Variants in HSF1 observed in about 807,000 individuals in gnomAD.
HSF1 encodes heat shock factor protein 1.
HSF1 carries 32 observed loss-of-function variants against 51.7 expected under a neutral mutation model. That is an observed-to-expected ratio of 0.62 (90% CI 0.47 to 0.83). The LOEUF is 0.83. Among genes scored for constraint, HSF1 ranks in the 40% least tolerant of loss-of-function variants. HSF1 has a pLI of 0.00. For synonymous variants in HSF1, 396 were observed against 309.7 expected (o/e 1.28, Z -2.92); for missense variants, 727 against 717.0 (o/e 1.01, Z -0.16).
chr8:144,303,251 G>T (rs1554842720), intron 1 of HSF1, among the ~76,000 whole-genome samples: 2 of 152,018 alleles, frequency 1.3e-5, no homozygotes, highest in East Asian at 3.9e-4. Context: ...TAGTGTCTGA[G>T]GTCAGTCAGG....
chr8:144,312,343 G>C (rs1383541196), intron 9 of HSF1, 99 bp downstream of exon 9: 1 of 954,832 alleles, frequency 1.0e-6, no homozygotes, highest in African/African-American at 1.6e-5. Flanking sequence ...GGCAGCTGGC[G>C]AGGCAGGACC....
intron 1 of HSF1, among the ~76,000 whole-genome samples, chr8:144,294,765 C>T (rs1554841006): frequency 2.6e-5 from 4 of 152,102 alleles, no homozygotes; most frequent in African/African-American, 9.7e-5. Context: ...TTTCCCACCC[C>T]CCCCTCCCAA....
At chr8:144,311,105 T>A in intron 4 of HSF1, 69 bp from the exon 5 acceptor site, 1 of 1,418,016 alleles carries the variant, frequency 7.1e-7, no homozygotes, top group Non-Finnish European at 9.7e-7. Flanking sequence ...ACAGGGAGGG[T>A]CTGTGGGGCT....
chr8:144,306,062 A>T (rs933384160), intron 1 of HSF1, among the ~76,000 whole-genome samples: 152,349 of 152,354 alleles, frequency 1, 76,172 homozygotes, highest in Non-Finnish European at 1. Flanking sequence ...TGAGTTATTA[A>T]ACTCTTCAGC....
Position 144,311,998 on chromosome 8 carries a change from A to G in HSF1, c.896A>G (p.Glu299Gly), listed in dbSNP as rs1554844784. ...AGCAGCCCCCTGGTGCGTGTCAAGGAGGAGCCCCCCAGCCCGCCTCAGAGC... is the reference window on the plus strand; with the variant it reads ...AGCAGCCCCCTGGTGCGTGTCAAGGGGGAGCCCCCCAGCCCGCCTCAGAGC... The part of the protein sequence containing the change: ...LSSSPLVRVK[E>G]EPPSPPQSPR... The change falls in exon 9 of 13, where the codon GAG (glutamate) becomes GGG (glycine). Residue 299 changes from glutamate (E) to glycine (G), a missense_variant. Around this residue, in one of 2 missense-constraint regions of HSF1, gnomAD observed 470 missense variants for 398.8 expected, o/e 1.18. Coordinates refer to ENST00000528838, the MANE Select transcript of HSF1 (RefSeq NM_005526.4). 3 of 1,595,074 alleles carry G rather than the reference A, an allele frequency of 1.9e-6. No individual in the cohort carries two copies. Among genetic ancestry groups the G allele is most frequent in the East Asian group, 2.3e-5 (1 of 44,338 alleles).
intron 9 of HSF1, chr8:144,312,732 G>A (rs1816768868): frequency 1.3e-6 from 2 of 1,529,194 alleles, no homozygotes; most frequent in African/African-American, 2.7e-5. Flanking sequence ...ACCCCACTGG[G>A]GAGGGAGGAG....
chr8:144,301,869 AAAAT>A (rs1815910091), intron 1 of HSF1, among the ~76,000 whole-genome samples: 1 of 151,130 alleles, frequency 6.6e-6, no homozygotes, highest in Non-Finnish European at 1.5e-5. Context: ...CGTCTCAAAA[AAAAT>A]AAAAAGCATC....
chr8:144,296,118 G>A (rs1554841238), intron 1 of HSF1, among the ~76,000 whole-genome samples: 1 of 152,216 alleles, frequency 6.6e-6, no homozygotes, highest in Non-Finnish European at 1.5e-5. Context: ...GCTGTGGAGG[G>A]TCTCTGGGTG....
In HSF1 at chr8:144,309,496, G is replaced by C; in HGVS notation, c.268G>C (p.Val90Leu). The stretch of plus-strand genomic sequence containing the variant: ...GGTCCACATCGAGCAGGGCGGCCTG[G>C]TCAAGCCAGAGAGAGACGACACGGA... ...KVVHIEQGGLVKPERDDTEFQ... is the reference protein window; with the variant it reads ...KVVHIEQGGLLKPERDDTEFQ... Residue 90 changes from valine to leucine, a missense_variant, in exon 3 of 13, where the codon GTC becomes CTC. Coordinates refer to ENST00000528838, the MANE Select transcript of HSF1 (RefSeq NM_005526.4). 1 of 1,614,084 alleles carries C rather than the reference G, an allele frequency of 6.2e-7. No individual in the cohort carries two copies. The highest frequency in any genetic ancestry group is 8.5e-7 in the Non-Finnish European group (1 of 1,180,024).
In HSF1 at chr8:144,296,935, G is replaced by GC. The variant is rs11377599; in HGVS notation, c.117+5061_117+5062insC. Among the ~76,000 whole-genome samples, 8 of 151,990 alleles carry GC rather than the reference G, an allele frequency of 5.3e-5. No individual in the cohort carries two copies. In the East Asian group the frequency reaches 1.5e-3, roughly 29 times the overall value. On this transcript the variant is annotated intron_variant, in intron 1 of 12. Transcript: ENST00000528838. ...TGCCCCGGATGGTGTGGTGGGGGGG[G>GC]TGCGGTGAGGAGGGGCCCAGGGCAC...
In HSF1 at chr8:144,297,575, C is replaced by T. The variant is rs1815553437; in HGVS notation, c.117+5701C>T. Among the ~76,000 whole-genome samples, 1 of 152,216 alleles carries T rather than the reference C, an allele frequency of 6.6e-6. No homozygotes were observed. Among genetic ancestry groups the T allele is most frequent in the South Asian group, 2.1e-4 (1 of 4,830 alleles). The stretch of plus-strand genomic sequence containing the variant: ...ACAAAGTGAGCCACTTTGTCTGCAC[C>T]TGCTCGCGCTTCCTGCCTGCCTCAC... On this transcript the variant is annotated intron_variant, in intron 1 of 12. Transcript: ENST00000528838. This position sits in a 1 kb window ranked among gnomAD's most constrained non-coding sequence, Gnocchi z 4.6.
intron 1 of HSF1, among the ~76,000 whole-genome samples, chr8:144,303,738 C>G (rs368513531): frequency 1.3e-5 from 2 of 152,022 alleles, no homozygotes; most frequent in East Asian, 3.9e-4. Flanking sequence ...ATAAGCCGGG[C>G]GTGGTGGCAC....
intron 1 of HSF1, among the ~76,000 whole-genome samples, chr8:144,296,125 G>C (rs1588625112): frequency 6.6e-6 from 1 of 152,174 alleles, no homozygotes; most frequent in South Asian, 2.1e-4. Flanking sequence ...AGGGTCTCTG[G>C]GTGGACAATT....
intron 9 of HSF1, chr8:144,313,207 T>C (rs1319253096): frequency 4.7e-6 from 2 of 429,438 alleles, no homozygotes; most frequent in Admixed American, 7.8e-5. Context: ...CCCTGAACAC[T>C]GAAATCCCTG....
intron 9 of HSF1, 58 bp from the exon 10 acceptor site, chr8:144,313,453 G>A: frequency 8.9e-7 from 1 of 1,125,998 alleles, no homozygotes; most frequent in East Asian, 2.4e-5. Context: ...TCCCACAGGA[G>A]GGCATTGGGG....
chr8:144,296,960 C>T (rs1815510889), intron 1 of HSF1, among the ~76,000 whole-genome samples: 1 of 151,918 alleles, frequency 6.6e-6, no homozygotes, highest in Non-Finnish European at 1.5e-5. Context: ...GCCCAGGGCA[C>T]AGAAGGGCTG....
At chr8:144,309,621 T>G in intron 3 of HSF1, 30 bp downstream of exon 3, 1 of 1,611,340 alleles carries the variant, frequency 6.2e-7, no homozygotes, top group Non-Finnish European at 8.5e-7. Flanking sequence ...CCTTGCCCGG[T>G]CTCACCTGCC....
rs1554844555 is a variant in HSF1 at position 144,311,582 on chromosome 8, A to G, written c.704A>G (p.His235Arg). 6.2e-7 allele frequency: 1 copy of G among 1,613,530 alleles called. No individual in the cohort carries two copies. The highest frequency in any genetic ancestry group is 8.5e-7 in the Non-Finnish European group (1 of 1,179,948). ...YSRQFSLEHVHGSGPYSAPSP... is the reference protein window; with the variant it reads ...YSRQFSLEHVRGSGPYSAPSP... ...CGGCAGTTCTCCCTGGAGCACGTCC[A>G]CGGCTCGGGCCCCTACTCGGTGAGT... Residue 235 changes from histidine to arginine, a missense_variant, in exon 7 of 13, where the codon CAC becomes CGC. Around this residue, in one of 2 missense-constraint regions of HSF1, gnomAD observed 257 missense variants for 318.3 expected, o/e 0.81. Coordinates refer to ENST00000528838, the MANE Select transcript of HSF1 (RefSeq NM_005526.4).
At chr8:144,294,858 T>C (rs1554841029) in intron 1 of HSF1, among the ~76,000 whole-genome samples, 1 of 151,950 alleles carries the variant, frequency 6.6e-6, no homozygotes, top group Non-Finnish European at 1.5e-5. Flanking sequence ...AGCACAGCCT[T>C]GGAGAGGAAA....
Sources: gnomAD v4.1 joint callset for allele counts (sites outside exome capture counted in the v4.1 genomes callset) on GRCh38, gnomAD v4.1.1 for gene constraint, gnomAD v4.1.1 regional missense constraint, Gnocchi (gnomAD v3.1) non-coding constraint, MANE v1.5 for transcripts, NCBI Gene and HGNC (gene_info 2026-07-23, HGNC 2026-07-21) for gene names.